The following ASH1L variants were observed in gnomAD, a reference collection of about 807,000 sequenced individuals.
ASH1L encodes the protein ASH1 like histone lysine methyltransferase, also known as histone-lysine N-methyltransferase ASH1L.
A neutral mutation model predicts 269.0 loss-of-function variants in ASH1L; 23 were observed. The observed-to-expected ratio is 0.09, with a 90% CI of 0.06 to 0.12. The LOEUF (loss-of-function observed/expected upper bound fraction) is 0.12, where lower values mean the gene tolerates loss of function less well. ASH1L is among the 10% of genes least tolerant of loss of function. The pLI, the probability that ASH1L is intolerant of heterozygous loss-of-function variation, is 1.00. For synonymous variants in ASH1L, 1,187 were observed against 1,253.5 expected, an observed-to-expected ratio of 0.95 and a Z score of 1.12; for missense variants, 2,912 against 3,567.8, an observed-to-expected ratio of 0.82 and a Z score of 4.68.
At position 155,492,966 on chromosome 1, in the gene ASH1L, G is replaced by A. The variant is rs566330896; in HGVS notation, c.421-10517C>T. On this transcript the variant is annotated intron_variant, in intron 2 of 27. Coordinates refer to ENST00000392403, the MANE Select transcript of ASH1L (RefSeq NM_018489.3). ...AGCCTCTCAAGTAGCTGGGATCACA[G>A]GAATGCAACACCATGCCTGGCTAAT... 3.9e-5 allele frequency among the ~76,000 whole-genome samples: 6 copies of A among 152,074 alleles called. No individual in the cohort carries two copies. The East Asian group carries it at 9.7e-4, about 24-fold the overall frequency.
chr1:155,431,009 C>T (rs944389372), intron 5 of ASH1L, among the ~76,000 whole-genome samples: 1 of 151,786 alleles, frequency 6.6e-6, no homozygotes, highest in African/African-American at 2.4e-5. Context: ...GTCAGGAGTT[C>T]GAGACCACCC....
chr1:155,367,049 A>G (rs976368044), intron 12 of ASH1L, among the ~76,000 whole-genome samples: 5 of 137,612 alleles, frequency 3.6e-5, no homozygotes, highest in Admixed American at 2.5e-4. Context: ...GCTGGAGTGC[A>G]TTGGTGCAAT....
intron 1 of ASH1L, among the ~76,000 whole-genome samples, chr1:155,560,116 A>AAC (rs1671861610): frequency 6.6e-6 from 1 of 152,312 alleles, no homozygotes; most frequent in Non-Finnish European, 1.5e-5. Context: ...AACTCATACT[A>AAC]ACATCCACAC....
At chr1:155,381,790 G>A (rs1041680168) in intron 7 of ASH1L, among the ~76,000 whole-genome samples, 6 of 151,542 alleles carry the variant, frequency 4.0e-5, no homozygotes, top group African/African-American at 9.7e-5. Context: ...TAGGAGAATC[G>A]CTTGAACCTG....
intron 2 of ASH1L, among the ~76,000 whole-genome samples, chr1:155,517,597 C>T (rs1234649212): frequency 6.6e-6 from 1 of 151,716 alleles, no homozygotes; most frequent in African/African-American, 2.4e-5. Context: ...AAGCCGAGAT[C>T]ATGCCACTGT....
intron 6 of ASH1L, among the ~76,000 whole-genome samples, chr1:155,405,153 T>C (rs1659165226): frequency 6.6e-6 from 1 of 151,342 alleles, no homozygotes. Context: ...AAAAGAAGAA[T>C]AGCACCTGTA....
chr1:155,396,767 G>T (rs940188751), intron 6 of ASH1L, among the ~76,000 whole-genome samples: 24 of 151,218 alleles, frequency 1.6e-4, no homozygotes, highest in African/African-American at 4.6e-4. Context: ...TTCGAGACAG[G>T]CCTGGCCAAC....
At chr1:155,379,743 C>T (rs541743341) in intron 8 of ASH1L, among the ~76,000 whole-genome samples, 1 of 152,248 alleles carries the variant, frequency 6.6e-6, no homozygotes, top group Non-Finnish European at 1.5e-5. Flanking sequence ...CTCCTGAGAC[C>T]TGCATCAAAT....
intron 6 of ASH1L, among the ~76,000 whole-genome samples, chr1:155,397,789 TG>T (rs1398629802): frequency 1.3e-5 from 2 of 152,180 alleles, no homozygotes; most frequent in Non-Finnish European, 2.9e-5. Flanking sequence ...CTTGAACTCC[TG>T]ACCTCAGGTG....
rs1395222516 is a variant in ASH1L at position 155,438,269 on chromosome 1, T to C, written c.5828+58A>G. On this transcript the variant is annotated intron_variant, in intron 5 of 27. Coordinates refer to ENST00000392403, the MANE Select transcript of ASH1L (RefSeq NM_018489.3). The stretch of plus-strand genomic sequence containing the variant: ...GAAATAATTCAGCTATAGAGTTACA[T>C]TACAGTTTTTCAAAGCTAGTTTCCT... 4.1e-6 allele frequency: 6 copies of C among 1,464,070 alleles called. No homozygotes were observed. The East Asian group carries it at 9.2e-5, about 23-fold the overall frequency. The allele number at this position is 1,464,070 out of a possible 1,614,324, so 90.7% of individuals were successfully genotyped here.
chr1:155,347,662 C>G lies in ASH1L; in HGVS notation c.7797G>C (p.Lys2599Asn). 6.2e-7 allele frequency: 1 copy of G among 1,614,042 alleles called. No homozygotes were observed. Among genetic ancestry groups the G allele is most frequent in the Non-Finnish European group, 8.5e-7 (1 of 1,180,040 alleles). The change falls in exon 20 of 28, where the codon AAG becomes AAC. Residue 2599 changes from lysine to asparagine, a missense_variant. This residue lies in a region of ASH1L where 2 missense variants were observed against 18.5 expected (regional missense o/e 0.11). Coordinates refer to ENST00000392403, the MANE Select transcript of ASH1L (RefSeq NM_018489.3). ...KDEGLMIQCD[K>N]CMVWQHCDCM... ...TTCATTTCCTGACCCTCACCATGCA[C>G]TTGTCACACTGGATCATGAGACCTT... is the stretch of plus-strand genomic sequence containing the variant.
chr1:155,343,686 G>A lies in ASH1L; in HGVS notation c.8038C>T (p.Arg2680Cys). The A allele has an allele frequency of 3.1e-6, 5 of 1,614,134 alleles. No homozygotes were observed. The highest frequency in any genetic ancestry group is 2.2e-5 in the East Asian group (1 of 44,882). ...SRRTPDGHPV[R>C]QSYRLLSHIN... ...TGAGATAACAGTCGATAGGACTGAC[G>A]GACCGGGTGGCCATCAGGGGTGCGC... The change falls in exon 23 of 28, where the codon CGT becomes TGT. Residue 2680 changes from arginine to cysteine, a missense_variant. Physicochemically the swap from Arg to Cys is radical, Grantham distance 180. Transcript: ENST00000392403. The surrounding 1 kb of genome is among the most constrained non-coding windows in gnomAD (Gnocchi z 6.1).
rs1360939665 is a variant in ASH1L, at chr1:155,480,518, T to C, written c.2352A>G (p.Lys784=). 1.9e-6 allele frequency: 3 copies of C among 1,614,024 alleles called. No individual in the cohort carries two copies. The highest frequency in any genetic ancestry group is 2.5e-6 in the Non-Finnish European group (3 of 1,179,988). ...AGAGAGCAAGAGATGGAGCTGTGGA[T>C]TTGCTCAACTTTGGCAATCGGCGTT... ...FLKRRLPKLS[K]STAPSLALLA... The change falls in exon 3 of 28, where the codon AAA becomes AAG. Residue 784 remains lysine (K), a synonymous_variant. Coordinates refer to ENST00000392403, the MANE Select transcript of ASH1L (RefSeq NM_018489.3).
At chr1:155,501,823 C>G (rs1233071604) in intron 2 of ASH1L, among the ~76,000 whole-genome samples, 1 of 151,892 alleles carries the variant, frequency 6.6e-6, no homozygotes, top group African/African-American at 2.4e-5. Flanking sequence ...CCACCATGCC[C>G]AGCTAACTTT....
chr1:155,357,899 T>C (rs894843651), intron 13 of ASH1L, 150 bp from the exon 14 acceptor site: 4 of 700,194 alleles, frequency 5.7e-6, no homozygotes, highest in Non-Finnish European at 9.1e-6. Context: ...GCCTCCCCAG[T>C]AGCTGACATT....
At chr1:155,420,473 A>T (rs900036027) in intron 5 of ASH1L, among the ~76,000 whole-genome samples, 4 of 151,670 alleles carry the variant, frequency 2.6e-5, no homozygotes, top group Admixed American at 6.6e-5. Flanking sequence ...TATAAATATA[A>T]TAAAGTACAA....
At chr1:155,358,300 ATC>A (rs1356122001) in intron 13 of ASH1L, among the ~76,000 whole-genome samples, 1 of 152,156 alleles carries the variant, frequency 6.6e-6, no homozygotes, top group African/African-American at 2.4e-5. Context: ...TCACAGGGCA[ATC>A]TCTTTCTTCA....
At chr1:155,454,550 T>C (rs1663739672) in intron 4 of ASH1L, among the ~76,000 whole-genome samples, 1 of 152,188 alleles carries the variant, frequency 6.6e-6, no homozygotes, top group Admixed American at 6.5e-5. Flanking sequence ...GGCTGATTAC[T>C]TGAGGTCAGG....
At position 155,381,843 on chromosome 1, in the gene ASH1L, C is replaced by CG. The variant is rs367784578; in HGVS notation, c.6104-1728dup. ...TGGAGGTTGCAGTGTGTCAAGATCA[C>CG]GTACTGCACTCCAGCCTAGGCAACA... On this transcript the variant is annotated intron_variant, in intron 7 of 27. Coordinates refer to ENST00000392403, the MANE Select transcript of ASH1L (RefSeq NM_018489.3). Among the ~76,000 whole-genome samples the CG allele has an allele frequency of 5.1e-3, 772 of 151,278 alleles. 5 individuals are homozygous for CG. The highest frequency in any genetic ancestry group is 0.018 in the African/African-American group (747 of 41,138).
Sources: allele counts gnomAD v4.1 joint callset (sites outside exome capture counted in the v4.1 genomes callset), GRCh38; gene constraint gnomAD v4.1.1; regional missense constraint gnomAD v4.1.1; non-coding constraint Gnocchi (gnomAD v3.1); transcripts MANE v1.5; gene names NCBI Gene and HGNC (gene_info 2026-07-23, HGNC 2026-07-21).